The following DTD1 variants were observed in gnomAD, a reference collection of about 807,000 sequenced individuals.
DTD1 encodes the protein D-aminoacyl-tRNA deacylase 1, also known as D-tyrosyl-tRNA deacylase 1 homolog.
DTD1 carries 13 observed loss-of-function variants against 25.6 expected under a neutral mutation model. The observed-to-expected ratio is 0.51, with a 90% CI of 0.33 to 0.81. DTD1 has a LOEUF of 0.81. DTD1 is among the 30% of genes least tolerant of loss of function. The probability of loss-of-function intolerance (pLI) is 0.02; values close to 1 mark genes in which losing one functional copy is unlikely to be tolerated. For synonymous variants in DTD1, 110 were observed against 103.6 expected, an observed-to-expected ratio of 1.06 and a Z score of -0.37; for missense variants, 193 against 266.4, an observed-to-expected ratio of 0.72 and a Z score of 1.92.
chr20:18,714,079 T>A (rs961566060), intron 4 of DTD1, among the ~76,000 whole-genome samples: 2 of 152,164 alleles, frequency 1.3e-5, no homozygotes, highest in African/African-American at 4.8e-5. Flanking sequence ...TGGGGGTGAC[T>A]GTGAGGCCTA....
chr20:18,708,263 TTTTATATATA>T (rs2061139768), intron 4 of DTD1, among the ~76,000 whole-genome samples: 1 of 24,036 alleles, frequency 4.2e-5, no homozygotes, highest in Non-Finnish European at 8.9e-5. Flanking sequence ...TATATATATA[TTTTATATATA>T]TATAATATAT....
At chr20:18,660,394 A>G (rs2060905439) in intron 4 of DTD1, among the ~76,000 whole-genome samples, 1 of 151,812 alleles carries the variant, frequency 6.6e-6, no homozygotes, top group South Asian at 2.1e-4. Context: ...AAATTTTTGT[A>G]TTTTTTTGTG....
At chr20:18,709,015 A>C (rs2061147638) in intron 4 of DTD1, among the ~76,000 whole-genome samples, 2 of 152,188 alleles carry the variant, frequency 1.3e-5, no homozygotes, top group South Asian at 4.2e-4. Flanking sequence ...TCTTTGTAGA[A>C]CTTCTGGGGC....
intron 4 of DTD1, among the ~76,000 whole-genome samples, chr20:18,708,296 T>A (rs1268264783): frequency 5.6e-5 from 3 of 53,546 alleles, no homozygotes; most frequent in South Asian, 5.2e-4. Context: ...TATATATATA[T>A]AATATATATA....
At chr20:18,759,147 G>C (rs890436253) in intron 5 of DTD1, among the ~76,000 whole-genome samples, 5 of 152,128 alleles carry the variant, frequency 3.3e-5, no homozygotes, top group Non-Finnish European at 7.4e-5. Flanking sequence ...CGTGAGATGG[G>C]TTTCCTGAAT....
At position 18,607,998 on chromosome 20, in the gene DTD1, G is replaced by A. The variant is rs773178485; in HGVS notation, c.370+11757G>A. Among the ~76,000 whole-genome samples, 23 of 152,322 alleles carry A rather than the reference G, an allele frequency of 1.5e-4. No individual in the cohort carries two copies. In the South Asian group the frequency reaches 2.3e-3, roughly 15 times the overall value. Reference sequence around the variant, plus strand: ...CAAAGTGCTGGGATTATAGGCGTTAGCCACTGCACCCAGCCTGTCTATTTC... The same window carrying A: ...CAAAGTGCTGGGATTATAGGCGTTAACCACTGCACCCAGCCTGTCTATTTC... On this transcript the variant is annotated intron_variant, in intron 3 of 5. Coordinates refer to ENST00000377452, the MANE Select transcript of DTD1 (RefSeq NM_080820.6).
At chr20:18,595,234 AT>A (rs1209051744) in intron 2 of DTD1, among the ~76,000 whole-genome samples, 1 of 151,288 alleles carries the variant, frequency 6.6e-6, no homozygotes, top group African/African-American at 2.4e-5. Flanking sequence ...AATAACCATG[AT>A]TTTTCTCTCA....
At chr20:18,626,830 A>G (rs771522604) in intron 3 of DTD1, among the ~76,000 whole-genome samples, 7 of 152,242 alleles carry the variant, frequency 4.6e-5, no homozygotes, top group Admixed American at 2.6e-4. Context: ...CATATACTGT[A>G]TATCCTGGCA....
chr20:18,739,652 G>A (rs906549863), intron 4 of DTD1, among the ~76,000 whole-genome samples: 5 of 152,108 alleles, frequency 3.3e-5, no homozygotes, highest in Admixed American at 3.3e-4. Flanking sequence ...TCCTTGACAT[G>A]CATCTCCTCT....
chr20:18,708,253 T>TATATATATA (rs1568676789), intron 4 of DTD1, among the ~76,000 whole-genome samples: 5 of 13,156 alleles, frequency 3.8e-4, no homozygotes, highest in Non-Finnish European at 5.4e-4. Flanking sequence ...TAATATATAT[T>TATATATATA]ATATATATAT....
At chr20:18,627,472 C>T (rs1042812823) in intron 3 of DTD1, among the ~76,000 whole-genome samples, 3 of 152,328 alleles carry the variant, frequency 2.0e-5, no homozygotes, top group East Asian at 3.9e-4. Flanking sequence ...TGTACAGTCC[C>T]GGTAACCCAC....
intron 4 of DTD1, among the ~76,000 whole-genome samples, chr20:18,712,565 T>C (rs1186310726): frequency 6.6e-6 from 1 of 152,084 alleles, no homozygotes; most frequent in Non-Finnish European, 1.5e-5. Flanking sequence ...CGACCCGAGA[T>C]CCCATATGAA....
chr20:18,614,112 C>T (rs2060699424), intron 3 of DTD1, among the ~76,000 whole-genome samples: 1 of 152,116 alleles, frequency 6.6e-6, no homozygotes, highest in African/African-American at 2.4e-5. Flanking sequence ...GCCTATTTTT[C>T]TTTTAAAAAC....
At chr20:18,629,697 A>G (rs1036447374) in intron 4 of DTD1, among the ~76,000 whole-genome samples, 5 of 152,054 alleles carry the variant, frequency 3.3e-5, no homozygotes, top group African/African-American at 1.2e-4. Flanking sequence ...GAGACAGGGT[A>G]ATTTATTAAA....
chr20:18,755,501 T>G (rs1440728040), intron 5 of DTD1, among the ~76,000 whole-genome samples: 1 of 152,178 alleles, frequency 6.6e-6, no homozygotes, highest in African/African-American at 2.4e-5. Context: ...TTCCCACCTA[T>G]GAGTGAGAAC....
intron 4 of DTD1, among the ~76,000 whole-genome samples, chr20:18,734,226 C>A (rs1287517215): frequency 6.6e-6 from 1 of 152,194 alleles, no homozygotes; most frequent in South Asian, 2.1e-4. Flanking sequence ...CTCCTTCTTT[C>A]CCCGTCCTAC....
chr20:18,743,689 A>AAAAG (rs2061287848), intron 4 of DTD1, among the ~76,000 whole-genome samples: 25 of 121,026 alleles, frequency 2.1e-4, no homozygotes, highest in South Asian at 5.7e-4. Flanking sequence ...AAAAAAAAAA[A>AAAAG]AAAAGAAAAG....
At chr20:18,651,812 G>T (rs1380836299) in intron 4 of DTD1, among the ~76,000 whole-genome samples, 1 of 152,222 alleles carries the variant, frequency 6.6e-6, no homozygotes, top group East Asian at 1.9e-4. Flanking sequence ...AAAAGTCCAA[G>T]ATCTAGGCTA....
At chr20:18,754,736 G>A (rs1320576837) in intron 5 of DTD1, among the ~76,000 whole-genome samples, 3 of 152,240 alleles carry the variant, frequency 2.0e-5, no homozygotes, top group South Asian at 2.1e-4. Context: ...TGGCTCCTGG[G>A]TTATTCTATA....
Sources: allele counts gnomAD v4.1 joint callset (sites outside exome capture counted in the v4.1 genomes callset), GRCh38; gene constraint gnomAD v4.1.1; transcripts MANE v1.5; gene names NCBI Gene and HGNC (gene_info 2026-07-23, HGNC 2026-07-21).